CUL4A: variants seen among roughly 807,000 people sequenced by gnomAD.
CUL4A encodes the protein cullin-4A.
A neutral mutation model predicts 95.5 loss-of-function variants in CUL4A; 16 were observed. The ratio of observed to expected loss-of-function variants is 0.17; its 90% CI spans 0.11 to 0.25. CUL4A has a LOEUF of 0.25. Among genes scored for constraint, CUL4A ranks in the 10% least tolerant of loss-of-function variants. CUL4A has a pLI of 1.00. For missense variants in CUL4A, 610 were observed against 937.0 expected, an observed-to-expected ratio of 0.65 and a Z score of 4.56; for synonymous variants, 380 against 353.1, an observed-to-expected ratio of 1.08 and a Z score of -0.85.
chr13:113,245,257 TA>T lies in CUL4A; in HGVS notation c.1530+23del. The T allele has an allele frequency of 2.5e-6, 4 of 1,609,854 alleles. No individual in the cohort carries two copies. Among genetic ancestry groups the T allele is most frequent in the Non-Finnish European group, 3.4e-6 (4 of 1,176,144 alleles). On this transcript the variant is annotated intron_variant, in intron 14 of 19. Coordinates refer to ENST00000375440, the MANE Select transcript of CUL4A (RefSeq NM_001008895.4). ...AAGCAGGTGAGTTGTGTTTCTTAGGTAAAGCGGCTTTTTAAAAAGTATCTGT... is the reference window on the plus strand; with the variant it reads ...AAGCAGGTGAGTTGTGTTTCTTAGGTAAGCGGCTTTTTAAAAAGTATCTGT...
chr13:113,249,207 C>T (rs182976066), intron 15 of CUL4A, among the ~76,000 whole-genome samples: 12 of 152,316 alleles, frequency 7.9e-5, no homozygotes, highest in African/African-American at 2.4e-4. Context: ...AAAGTCCATC[C>T]GTGCTGCACC....
chr13:113,211,226 C>T (rs761679730), intron 2 of CUL4A, among the ~76,000 whole-genome samples: 11 of 152,216 alleles, frequency 7.2e-5, no homozygotes, highest in African/African-American at 2.7e-4. Flanking sequence ...TCATGTATTT[C>T]ATAGTCTTTT....
At chr13:113,249,076 C>G (rs1027702356) in intron 15 of CUL4A, among the ~76,000 whole-genome samples, 13 of 152,224 alleles carry the variant, frequency 8.5e-5, no homozygotes, top group Admixed American at 2.6e-4. Flanking sequence ...TGCTCCGGAC[C>G]CCGGCAGCCA....
chr13:113,263,630 A>C lies in CUL4A; in HGVS notation c.*48A>C. ...TCATGAAACACTAGAATGTACCCTC[A>C]GAGCAGGAAGCACACCTGTGCCATT... On this transcript the variant is annotated 3_prime_UTR_variant, in exon 20 of 20. Coordinates refer to ENST00000375440, the MANE Select transcript of CUL4A (RefSeq NM_001008895.4). The C allele has an allele frequency of 8.2e-7, 1 of 1,212,524 alleles. No homozygotes were observed. Among genetic ancestry groups the C allele is most frequent in the Non-Finnish European group, 1.2e-6 (1 of 843,156 alleles). The allele number at this position is 1,212,524 out of a possible 1,614,324, so 75.1% of individuals were successfully genotyped here.
chr13:113,224,226 A>T (rs970329788), intron 3 of CUL4A, among the ~76,000 whole-genome samples: 1 of 152,002 alleles, frequency 6.6e-6, no homozygotes. Flanking sequence ...GGTGGCGGGC[A>T]CCTGTAGTCC....
At chr13:113,214,744 G>C (rs2040581341) in intron 2 of CUL4A, among the ~76,000 whole-genome samples, 1 of 152,144 alleles carries the variant, frequency 6.6e-6, no homozygotes, top group Non-Finnish European at 1.5e-5. Flanking sequence ...ATAATGGTCA[G>C]TGAAAGAGAG....
intron 3 of CUL4A, among the ~76,000 whole-genome samples, chr13:113,224,158 C>T (rs572515806): frequency 6.6e-6 from 1 of 152,320 alleles, no homozygotes; most frequent in East Asian, 1.9e-4. Flanking sequence ...CGAGACCATC[C>T]TGGCTAACAC....
In CUL4A at chr13:113,253,212, A is replaced by T; in HGVS notation, c.1752+17A>T. The T allele has an allele frequency of 7.3e-7, 1 of 1,362,560 alleles. No homozygotes were observed. Among genetic ancestry groups the T allele is most frequent in the Non-Finnish European group, 1.0e-6 (1 of 998,098 alleles). 84.4% of individuals were successfully genotyped at this position (1,362,560 alleles called of 1,614,324 possible). Reference sequence around the variant, plus strand: ...TTTAAAGAAGTAAGTTGTCTGTTTCATTTATTTTTTATTATTTGTAAATAT... The same window carrying T: ...TTTAAAGAAGTAAGTTGTCTGTTTCTTTTATTTTTTATTATTTGTAAATAT... On this transcript the variant is annotated intron_variant, in intron 16 of 19. Coordinates refer to ENST00000375440, the MANE Select transcript of CUL4A (RefSeq NM_001008895.4).
chr13:113,227,824 G>C (rs2041162443), intron 3 of CUL4A, 152 bp from the exon 4 acceptor site: 1 of 464,632 alleles, frequency 2.2e-6, no homozygotes, highest in Admixed American at 3.5e-5. Flanking sequence ...AGAATCGCTT[G>C]AACCTGGGAG....
intron 5 of CUL4A, among the ~76,000 whole-genome samples, chr13:113,232,662 G>A (rs1486820547): frequency 6.6e-6 from 1 of 152,192 alleles, no homozygotes; most frequent in Non-Finnish European, 1.5e-5. Flanking sequence ...TCTGAAAGCT[G>A]TGCATCACCT....
At chr13:113,249,749 A>G (rs928407624) in intron 15 of CUL4A, among the ~76,000 whole-genome samples, 1 of 152,096 alleles carries the variant, frequency 6.6e-6, no homozygotes. Flanking sequence ...CCACCTTCTC[A>G]CCTACACCTG....
chr13:113,243,086 G>A lies in CUL4A; in HGVS notation c.1154G>A (p.Arg385Gln), dbSNP rs756304466. The part of the protein sequence containing the change: ...VIEVCFQKNE[R>Q]FVNLMKESFE... ...GAGGTCTGCTTCCAGAAGAATGAGC[G>A]GTTCGTCAACCTGATGAAGGAGTCC... The change falls in exon 11 of 20, where the codon CGG (arginine) becomes CAG (glutamine). Residue 385 changes from arginine (R) to glutamine (Q), a missense_variant. Around this residue, in one of 10 missense-constraint regions of CUL4A, gnomAD observed 153 missense variants for 244.5 expected, o/e 0.63. Coordinates refer to ENST00000375440, the MANE Select transcript of CUL4A (RefSeq NM_001008895.4). The A allele has an allele frequency of 1.5e-5, 25 of 1,614,048 alleles. No homozygotes were observed. The highest frequency in any genetic ancestry group is 1.5e-4 in the Admixed American group (9 of 60,008).
In CUL4A at chr13:113,233,295, C is replaced by A. The variant is rs765047112; in HGVS notation, c.631C>A (p.Arg211=). 1.9e-6 allele frequency: 3 copies of A among 1,613,606 alleles called. No individual in the cohort carries two copies. The highest frequency in any genetic ancestry group is 1.1e-5 in the South Asian group (1 of 91,054). ...ERERSGEAVD[R]SLLRSLLGML... is the part of the protein sequence containing the mutation. ...CGAGAGGAGCGGCGAGGCCGTGGAC[C>A]GGAGCCTGTTGCGGAGCCTCCTGGG... Residue 211 remains arginine, a synonymous_variant, in exon 6 of 20, where the codon CGG becomes AGG. Coordinates refer to ENST00000375440, the MANE Select transcript of CUL4A (RefSeq NM_001008895.4).
chr13:113,233,784 C>A (rs999319519), intron 6 of CUL4A, 113 bp from the exon 7 acceptor site: 5 of 725,222 alleles, frequency 6.9e-6, no homozygotes, highest in Non-Finnish European at 1.2e-5. Flanking sequence ...TGGCCACAGG[C>A]GCCTCCAAGT....
chr13:113,216,672 G>A (rs1284179910), intron 2 of CUL4A, among the ~76,000 whole-genome samples: 4 of 152,124 alleles, frequency 2.6e-5, no homozygotes, highest in African/African-American at 4.8e-5. Flanking sequence ...ATCCAGAGAG[G>A]GTATTTCTAA....
chr13:113,237,571 C>A (rs2041587214), intron 9 of CUL4A, among the ~76,000 whole-genome samples: 1 of 152,084 alleles, frequency 6.6e-6, no homozygotes, highest in African/African-American at 2.4e-5. Context: ...GTGCTGAATT[C>A]TATGAAAATT....
At chr13:113,232,482 C>A (rs1595383553) in intron 5 of CUL4A, among the ~76,000 whole-genome samples, 1 of 151,974 alleles carries the variant, frequency 6.6e-6, no homozygotes, top group East Asian at 1.9e-4. Flanking sequence ...CTGGCTGGAG[C>A]CCAGCATCTG....
At chr13:113,228,411 T>G (rs1240058744) in intron 4 of CUL4A, among the ~76,000 whole-genome samples, 2 of 152,248 alleles carry the variant, frequency 1.3e-5, no homozygotes, top group Non-Finnish European at 2.9e-5. Flanking sequence ...TGGCTTTGAC[T>G]TGACGTCATG....
intron 2 of CUL4A, 117 bp from the exon 3 acceptor site, chr13:113,218,828 T>C (rs754897399): frequency 4.8e-6 from 3 of 623,094 alleles, no homozygotes; most frequent in African/African-American, 1.9e-5. Flanking sequence ...CCTGAAGTAC[T>C]GGGGTAGGGT....
Sources: gnomAD v4.1 joint callset for allele counts (sites outside exome capture counted in the v4.1 genomes callset) on GRCh38, gnomAD v4.1.1 for gene constraint, gnomAD v4.1.1 regional missense constraint, MANE v1.5 for transcripts, NCBI Gene and HGNC (gene_info 2026-07-23, HGNC 2026-07-21) for gene names.